KIF21B: variants seen among roughly 807,000 people sequenced by gnomAD.
The protein encoded by KIF21B is kinesin family member 21B.
Under a neutral mutation model 192.9 loss-of-function variants are expected in KIF21B, and 85 were observed. That is an observed-to-expected ratio of 0.44 (90% CI 0.37 to 0.53). KIF21B has a LOEUF of 0.53. Ranked by LOEUF, KIF21B falls within the 20% of genes least tolerant of loss-of-function variation. KIF21B has a pLI of 0.00. For missense variants in KIF21B, 1,716 were observed against 2,194.8 expected (o/e 0.78, Z 4.36); for synonymous variants, 832 against 884.6 (o/e 0.94, Z 1.05).
chr1:201,001,350 A>G (rs1443254692), intron 9 of KIF21B: 1 of 153,376 alleles, frequency 6.5e-6, no homozygotes, highest in Non-Finnish European at 1.5e-5. Flanking sequence ...ATTGTCACAT[A>G]TGGGACACCA....
At position 200,981,038 on chromosome 1, in the gene KIF21B, C is replaced by T; in HGVS notation, c.3901G>A (p.Val1301Ile). 2 of 1,610,256 alleles carry T rather than the reference C, an allele frequency of 1.2e-6. No homozygotes were observed. The highest frequency in any genetic ancestry group is 1.7e-6 in the Non-Finnish European group (2 of 1,178,572). The change falls in exon 29 of 35, where the codon GTC becomes ATC. Residue 1301 changes from valine to isoleucine, a missense_variant. By Grantham distance (29) the Val-to-Ile change is conservative. Around this residue, in one of 3 missense-constraint regions of KIF21B, gnomAD observed 580 missense variants for 775.5 expected, o/e 0.75. Transcript: ENST00000461742. ...KGARTAPLQCVSMAEGHTKPI... is the reference protein window; with the variant it reads ...KGARTAPLQCISMAEGHTKPI... ...TTGGTGTGGCCTTCGGCCATGGAGA[C>T]ACACTGCAGTGGGGCCGTCCGTGCA...
At chr1:200,977,184 C>T (rs1488327491) in intron 31 of KIF21B, 28 bp downstream of exon 31, 2 of 1,590,136 alleles carry the variant, frequency 1.3e-6, no homozygotes, top group Non-Finnish European at 1.7e-6. Flanking sequence ...ATGCCAAACC[C>T]TCCTCCCTCC....
chr1:201,003,774 T>C lies in KIF21B; in HGVS notation c.1024A>G (p.Ile342Val). Residue 342 changes from isoleucine to valine, a missense_variant, in exon 8 of 35, where the codon ATC (isoleucine) becomes GTC (valine). Ile to Val is a conservative substitution (Grantham distance 29). Coordinates refer to ENST00000461742, the MANE Select transcript of KIF21B (RefSeq NM_001252102.2). ...QDSLGGNSQTIMIACVSPSDR... is the reference protein window; with the variant it reads ...QDSLGGNSQTVMIACVSPSDR... ...GAGGGGCTCACACAGGCGATCATGATGGTCTGGCTGGGGGTGCAGAAAGGC... is the reference window on the plus strand; with the variant it reads ...GAGGGGCTCACACAGGCGATCATGACGGTCTGGCTGGGGGTGCAGAAAGGC... 1.9e-6 allele frequency: 3 copies of C among 1,614,166 alleles called. No individual in the cohort carries two copies. The highest frequency in any genetic ancestry group is 2.5e-6 in the Non-Finnish European group (3 of 1,180,008).
Position 201,017,043 on chromosome 1 carries a change from CTT to C in KIF21B, c.41+6298_41+6299del, listed in dbSNP as rs1658546076. Among the ~76,000 whole-genome samples, 1 of 152,110 alleles carries C rather than the reference CTT, an allele frequency of 6.6e-6. No homozygotes were observed. Among genetic ancestry groups the C allele is most frequent in the African/African-American group, 2.4e-5 (1 of 41,408 alleles). ...CAGGACTCTGACCCCACCCCCTCCT[CTT>C]GAGTGTCCTTGACCTTACTAGGGTC... is the stretch of plus-strand genomic sequence containing the variant. On this transcript the variant is annotated intron_variant, in intron 1 of 34. Transcript: ENST00000461742. This position sits in a 1 kb window ranked among gnomAD's most constrained non-coding sequence, Gnocchi z 4.1.
rs1656041017 is a variant in KIF21B, at chr1:200,982,960, C to T, written c.3842+96G>A. The T allele has an allele frequency of 3.6e-6, 4 of 1,124,712 alleles. No individual in the cohort carries two copies. The highest frequency in any genetic ancestry group is 2.6e-5 in the East Asian group (1 of 38,940). 69.7% of individuals were successfully genotyped at this position (1,124,712 alleles called of 1,614,324 possible). ...GTGGAGGGGCCGCATGCTGAGGACA[C>T]GGGTGTCAGGCGGGAGGGATGCAGC... On this transcript the variant is annotated intron_variant, in intron 28 of 34. Transcript: ENST00000461742. The surrounding 1 kb of genome is among the most constrained non-coding windows in gnomAD (Gnocchi z 4.7).
Position 200,982,139 on chromosome 1 carries a change from A to C in KIF21B, c.3842+917T>G, listed in dbSNP as rs934757537. On this transcript the variant is annotated intron_variant, in intron 28 of 34. Transcript: ENST00000461742. The surrounding 1 kb of genome is among the most constrained non-coding windows in gnomAD (Gnocchi z 4.7). ...TACGTCCAGCTGCCAGCCAGGTGCC[A>C]CACATGCACAAATAGCTCCCCAAGC... is the stretch of plus-strand genomic sequence containing the variant. Among the ~76,000 whole-genome samples, 3 of 152,152 alleles carry C rather than the reference A, an allele frequency of 2.0e-5. No individual in the cohort carries two copies. Among genetic ancestry groups the C allele is most frequent in the Non-Finnish European group, 2.9e-5 (2 of 68,022 alleles).
chr1:201,021,794 A>G (rs1195490116), intron 1 of KIF21B, among the ~76,000 whole-genome samples: 1 of 152,140 alleles, frequency 6.6e-6, no homozygotes, highest in Non-Finnish European at 1.5e-5. Context: ...CTCATTCACA[A>G]TGGGTGGGGG....
At chr1:201,010,092 C>T (rs1658143538) in intron 1 of KIF21B, among the ~76,000 whole-genome samples, 1 of 152,228 alleles carries the variant, frequency 6.6e-6, no homozygotes, top group Non-Finnish European at 1.5e-5. Context: ...GCCAGAGCCT[C>T]TGCCAATGCC....
chr1:201,022,453 G>GA (rs1658897926), intron 1 of KIF21B, among the ~76,000 whole-genome samples: 1 of 152,200 alleles, frequency 6.6e-6, no homozygotes, highest in Non-Finnish European at 1.5e-5. Flanking sequence ...CAAAAACTGG[G>GA]AGAAGTGGTG....
intron 34 of KIF21B, chr1:200,974,150 G>A (rs559417656): frequency 1.9e-6 from 3 of 1,596,026 alleles, no homozygotes; most frequent in South Asian, 1.1e-5. Flanking sequence ...AGGAAGGCAG[G>A]GGGTGAGTCC....
chr1:200,973,814 G>T (rs185406637), intron 34 of KIF21B: 16 of 1,425,152 alleles, frequency 1.1e-5, no homozygotes, highest in Middle Eastern at 2.5e-4. Flanking sequence ...TTCTTTTTTT[G>T]GGGGGGTGTT....
At position 201,000,312 on chromosome 1, in the gene KIF21B, G is replaced by T; in HGVS notation, c.1685+78C>A. ...GTTCCCTCCTAAACACTGGTGGGCA[G>T]CAGTCCTCCTTGGGGACGGGCAGGG... On this transcript the variant is annotated intron_variant, in intron 11 of 34. Transcript: ENST00000461742. This position sits in a 1 kb window ranked among gnomAD's most constrained non-coding sequence, Gnocchi z 6.0. 1 of 1,367,998 alleles carries T rather than the reference G, an allele frequency of 7.3e-7. No individual in the cohort carries two copies. The highest frequency in any genetic ancestry group is 2.3e-5 in the Admixed American group (1 of 43,836). The allele number at this position is 1,367,998 out of a possible 1,614,324, so 84.7% of individuals were successfully genotyped here.
intron 15 of KIF21B, among the ~76,000 whole-genome samples, chr1:200,993,779 A>AAAAAAAG (rs1656867438): frequency 6.7e-6 from 1 of 149,162 alleles, no homozygotes; most frequent in Admixed American, 6.7e-5. Flanking sequence ...AAAAAAAAAA[A>AAAAAAAG]AGAGAGAGAA....
In KIF21B at chr1:201,008,874, C is replaced by T. The variant is rs762943498; in HGVS notation, c.342G>A (p.Pro114=). 6 of 1,611,556 alleles carry T rather than the reference C, an allele frequency of 3.7e-6. No individual in the cohort carries two copies. The highest frequency in any genetic ancestry group is 1.7e-5 in the Admixed American group (1 of 60,018). ...ATSEEEQGII[P]RAIAHLFGGI... ...CCCCAAAGAGGTGTGCGATGGCCCT[C>T]GGGATGATGCCCTGCTCCTCCTCCG... Residue 114 remains proline (P), a synonymous_variant, in exon 3 of 35, where the codon CCG becomes CCA. Transcript: ENST00000461742.
chr1:201,000,942 T>C lies in KIF21B; in HGVS notation c.1403-162A>G, dbSNP rs542719969. On this transcript the variant is annotated intron_variant, in intron 9 of 34. Coordinates refer to ENST00000461742, the MANE Select transcript of KIF21B (RefSeq NM_001252102.2). This position sits in a 1 kb window ranked among gnomAD's most constrained non-coding sequence, Gnocchi z 6.0. ...GACCAACATGGAGAAACCCCGTCTC[T>C]ACTAAAAATACAAAATTAGCCGGGC... Among the ~76,000 whole-genome samples, 2 of 152,232 alleles carry C rather than the reference T, an allele frequency of 1.3e-5. No individual in the cohort carries two copies. The highest frequency in any genetic ancestry group is 1.3e-4 in the Admixed American group (2 of 15,302).
In KIF21B at chr1:200,990,930, T is replaced by A. The variant is rs760098433; in HGVS notation, c.2674A>T (p.Thr892Ser). Residue 892 changes from threonine (T) to serine (S), a missense_variant, in exon 18 of 35, where the codon ACC becomes TCC. Physicochemically the swap from Thr to Ser is moderately conservative, Grantham distance 58 (BLOSUM62 1). Coordinates refer to ENST00000461742, the MANE Select transcript of KIF21B (RefSeq NM_001252102.2). The surrounding 1 kb of genome is among the most constrained non-coding windows in gnomAD (Gnocchi z 5.4). The stretch of plus-strand genomic sequence containing the variant: ...AGTCCACCTTACCGGGCAGGACGGG[T>A]GCCATTGACAGTGGGCGCAGGATGG... ...GDHPAPTVNG[T>S]RPARKKFQKK... The A allele has an allele frequency of 2.5e-6, 4 of 1,613,900 alleles. No individual in the cohort carries two copies. Among genetic ancestry groups the A allele is most frequent in the Non-Finnish European group, 2.5e-6 (3 of 1,180,032 alleles).
Position 200,974,900 on chromosome 1 carries a change from G to A in KIF21B, c.4628C>T (p.Ala1543Val), listed in dbSNP as rs755638591. Reference protein sequence around the residue: ...QQELIQQIPNAHKDWVCALAF... With the variant: ...QQELIQQIPNVHKDWVCALAF... Reference sequence around the variant, plus strand: ...CAGGGCGCACACCCAGTCCTTGTGCGCATTGGGGATTTGCTGTGAGAGGAT... The same window carrying A: ...CAGGGCGCACACCCAGTCCTTGTGCACATTGGGGATTTGCTGTGAGAGGAT... Residue 1543 changes from alanine to valine, a missense_variant, in exon 34 of 35, where the codon GCG (alanine) becomes GTG (valine). Coordinates refer to ENST00000461742, the MANE Select transcript of KIF21B (RefSeq NM_001252102.2). 11 of 1,613,652 alleles carry A rather than the reference G, an allele frequency of 6.8e-6. No individual in the cohort carries two copies. The highest frequency in any genetic ancestry group is 6.7e-5 in the Admixed American group (4 of 60,006).
Position 200,994,365 on chromosome 1 carries a change from G to A in KIF21B, c.2277+1831C>T, listed in dbSNP as rs1656913489. Among the ~76,000 whole-genome samples, 3 of 152,226 alleles carry A rather than the reference G, an allele frequency of 2.0e-5. No individual in the cohort carries two copies. In the South Asian group the frequency reaches 6.2e-4, roughly 31 times the overall value. Reference sequence around the variant, plus strand: ...CTGAACAGCCATGGGAGGATTCTGGGGCACTGGCTCTCACAGTGTCTGATT... The same window carrying A: ...CTGAACAGCCATGGGAGGATTCTGGAGCACTGGCTCTCACAGTGTCTGATT... On this transcript the variant is annotated intron_variant, in intron 15 of 34. Transcript: ENST00000461742.
chr1:200,988,247 T>A (rs1571926482), intron 24 of KIF21B, 49 bp downstream of exon 24: 1 of 1,536,036 alleles, frequency 6.5e-7, no homozygotes. Context: ...ACAGGCTGTG[T>A]GGAGGCTGGC....
Sources: allele counts gnomAD v4.1 joint callset (sites outside exome capture counted in the v4.1 genomes callset), GRCh38; gene constraint gnomAD v4.1.1; regional missense constraint gnomAD v4.1.1; non-coding constraint Gnocchi (gnomAD v3.1); transcripts MANE v1.5; gene names NCBI Gene and HGNC (gene_info 2026-07-23, HGNC 2026-07-21).